PXDN: variants seen among roughly 807,000 people sequenced by gnomAD.
PXDN encodes the protein peroxidasin homolog.
A neutral mutation model predicts 140.3 loss-of-function variants in PXDN; 77 were observed. That is an observed-to-expected ratio of 0.55 (90% confidence interval 0.46 to 0.66). The LOEUF (loss-of-function observed/expected upper bound fraction) is 0.66, where lower values mean the gene tolerates loss of function less well. Among genes scored for constraint, PXDN ranks in the 30% least tolerant of loss-of-function variants. The pLI is 0.00. For synonymous variants in PXDN, 911 were observed against 857.4 expected (o/e 1.06, Z -1.09); for missense variants, 1,838 against 2,039.5 (o/e 0.90, Z 1.90).
At position 1,712,558 on chromosome 2, in the gene PXDN, T is replaced by C. The variant is rs188402517; in HGVS notation, c.201-19424A>G. 2.0e-5 allele frequency among the ~76,000 whole-genome samples: 3 copies of C among 152,194 alleles called. No homozygotes were observed. In the South Asian group the frequency reaches 6.2e-4, roughly 32 times the overall value. On this transcript the variant is annotated intron_variant, in intron 1 of 22. Transcript: ENST00000252804. ...GGCAGAAAGGGGAGAAGAGTGGAAA[T>C]CTAAATTTGCTAAATTCCTCTTCTT...
At chr2:1,732,328 C>T (rs1024058418) in intron 1 of PXDN, among the ~76,000 whole-genome samples, 5 of 152,148 alleles carry the variant, frequency 3.3e-5, no homozygotes, top group East Asian at 1.9e-4. Context: ...GCCTGCAGAG[C>T]GTCCAGCACT....
rs572016223 is a variant in PXDN, at chr2:1,714,817, A to C, written c.201-21683T>G. On this transcript the variant is annotated intron_variant, in intron 1 of 22. Coordinates refer to ENST00000252804, the MANE Select transcript of PXDN (RefSeq NM_012293.3). The surrounding 1 kb of genome is among the most constrained non-coding windows in gnomAD (Gnocchi z 4.3). ...GGGCCGGACAAACCAGGCCTGGGTC[A>C]GATGGGGCCCCTGGCCAAGGGCACA... is the stretch of plus-strand genomic sequence containing the variant. 3.3e-5 allele frequency among the ~76,000 whole-genome samples: 5 copies of C among 152,322 alleles called. No individual in the cohort carries two copies. The highest frequency in any genetic ancestry group is 1.2e-4 in the African/African-American group (5 of 41,582).
intron 1 of PXDN, among the ~76,000 whole-genome samples, chr2:1,699,492 T>G (rs559525300): frequency 3.9e-5 from 6 of 152,316 alleles, no homozygotes; most frequent in African/African-American, 1.2e-4. Flanking sequence ...GCGGATCACC[T>G]GAGGTCAGGA....
chr2:1,662,975 T>C (rs1328339565), intron 12 of PXDN, among the ~76,000 whole-genome samples: 1 of 152,164 alleles, frequency 6.6e-6, no homozygotes, highest in Non-Finnish European at 1.5e-5. Context: ...ATGCTAACAC[T>C]GGAGTTAGCA....
chr2:1,695,382 C>T (rs1336624195), intron 1 of PXDN, among the ~76,000 whole-genome samples: 1 of 136,100 alleles, frequency 7.3e-6, no homozygotes, highest in Non-Finnish European at 1.6e-5. Context: ...TGAGAGGTGG[C>T]CTAGAGTGAT....
intron 8 of PXDN, among the ~76,000 whole-genome samples, chr2:1,675,726 G>A (rs552172970): frequency 6.7e-6 from 1 of 149,164 alleles, no homozygotes; most frequent in Admixed American, 6.6e-5. Flanking sequence ...TTGCCCGAGA[G>A]CCAAGCCCAG....
intron 1 of PXDN, among the ~76,000 whole-genome samples, chr2:1,717,419 G>A (rs190970749): frequency 5.3e-5 from 8 of 152,152 alleles, no homozygotes; most frequent in African/African-American, 1.9e-4. Flanking sequence ...TTTCCTGACT[G>A]GTAACCACAC....
chr2:1,722,345 A>G (rs901532006), intron 1 of PXDN, among the ~76,000 whole-genome samples: 8 of 152,170 alleles, frequency 5.3e-5, no homozygotes, highest in Admixed American at 1.3e-4. Context: ...CTGAGTCCTC[A>G]GAGTCCTGGT....
intron 1 of PXDN, among the ~76,000 whole-genome samples, chr2:1,701,608 G>A (rs951485863): frequency 2.6e-5 from 4 of 152,156 alleles, no homozygotes; most frequent in Non-Finnish European, 4.4e-5. Flanking sequence ...TGGGAGGTGC[G>A]GAATGGGGTG....
In PXDN at chr2:1,685,350, C is replaced by T. The variant is rs1022725112; in HGVS notation, c.417-1199G>A. On this transcript the variant is annotated intron_variant, in intron 4 of 22. Transcript: ENST00000252804. The surrounding 1 kb of genome is among the most constrained non-coding windows in gnomAD (Gnocchi z 5.1). ...AACCGCCGTGGGCGAGCATGACGGG[C>T]GGGCACCTGACGCGCGGGTCCCGAG... Among the ~76,000 whole-genome samples, 5 of 152,208 alleles carry T rather than the reference C, an allele frequency of 3.3e-5. No homozygotes were observed. Among genetic ancestry groups the T allele is most frequent in the African/African-American group, 7.2e-5 (3 of 41,460 alleles).
chr2:1,666,071 G>C lies in PXDN; in HGVS notation c.1291+143C>G, dbSNP rs113039285. 1.2e-3 allele frequency: 1,356 copies of C among 1,162,372 alleles called. 15 individuals are homozygous for C. In the African/African-American group the frequency reaches 0.013, roughly 11 times the overall value. 72.0% of individuals were successfully genotyped at this position (1,162,372 alleles called of 1,614,324 possible). Reference sequence around the variant, plus strand: ...GCAGTCGTCTGTATTTAGTCCAAGGGGGGTGTAATGGATAAAAATCAACCG... The same window carrying C: ...GCAGTCGTCTGTATTTAGTCCAAGGCGGGTGTAATGGATAAAAATCAACCG... On this transcript the variant is annotated intron_variant, in intron 10 of 22. Transcript: ENST00000252804.
At chr2:1,706,036 T>C (rs1020162168) in intron 1 of PXDN, among the ~76,000 whole-genome samples, 2 of 152,114 alleles carry the variant, frequency 1.3e-5, no homozygotes, top group African/African-American at 2.4e-5. Flanking sequence ...ATCCAGCTTC[T>C]TCAGGGTCTC....
chr2:1,634,075 C>A lies in PXDN; in HGVS notation c.*129G>T. The stretch of plus-strand genomic sequence containing the variant: ...CCTGCACTGCCTTCTGTAACAGCAC[C>A]AGCTGGACGTTGTCATGAAATGTCA... On this transcript the variant is annotated 3_prime_UTR_variant, in exon 23 of 23. Transcript: ENST00000252804. 7.2e-7 allele frequency: 1 copy of A among 1,392,972 alleles called. No homozygotes were observed. The highest frequency in any genetic ancestry group is 9.7e-7 in the Non-Finnish European group (1 of 1,034,454). 86.3% of individuals were successfully genotyped at this position (1,392,972 alleles called of 1,614,324 possible). A position where few individuals can be genotyped will look rare whatever the true frequency, so the allele number is the denominator to read the frequency against.
At chr2:1,735,173 C>T (rs1044310858) in intron 1 of PXDN, among the ~76,000 whole-genome samples, 2 of 152,198 alleles carry the variant, frequency 1.3e-5, no homozygotes, top group Admixed American at 1.3e-4. Context: ...TCTGCTGTGA[C>T]TTTCTCCACG....
At chr2:1,720,758 A>T (rs2125480555) in intron 1 of PXDN, among the ~76,000 whole-genome samples, 1 of 150,982 alleles carries the variant, frequency 6.6e-6, no homozygotes, top group Non-Finnish European at 1.5e-5. Flanking sequence ...ACACACGTAC[A>T]CATATCCTGT....
At chr2:1,671,974 T>C (rs1222039706) in intron 9 of PXDN, 1 of 152,248 alleles carries the variant, frequency 6.6e-6, no homozygotes, top group Non-Finnish European at 1.5e-5. Flanking sequence ...GGTCATAAGA[T>C]ATTGTTCTTC....
chr2:1,710,793 A>T (rs371538796), intron 1 of PXDN, among the ~76,000 whole-genome samples: 33 of 18,504 alleles, frequency 1.8e-3, no homozygotes, highest in Non-Finnish European at 2.0e-3. Context: ...ACCAGCACCC[A>T]CTCCACCAGC....
In PXDN at chr2:1,680,302, C is replaced by A. The variant is rs201411621; in HGVS notation, c.621G>T (p.Leu207=). Residue 207 remains leucine (L), a synonymous_variant, in exon 7 of 23, where the codon CTG becomes CTT. Coordinates refer to ENST00000252804, the MANE Select transcript of PXDN (RefSeq NM_012293.3). ...DCEILWLADL[L]KTYAESGNAQ... ...CGTTCCCCGACTCCGCGTAGGTTTT[C>A]AGCAAATCCGCCAACCACAGGATTT... 113 of 1,614,048 alleles carry A rather than the reference C, an allele frequency of 7.0e-5. No individual in the cohort carries two copies. The highest frequency in any genetic ancestry group is 1.2e-4 in the Admixed American group (7 of 60,028).
At chr2:1,719,037 C>T (rs189147340) in intron 1 of PXDN, among the ~76,000 whole-genome samples, 31 of 152,254 alleles carry the variant, frequency 2.0e-4, no homozygotes, top group Admixed American at 8.5e-4. Context: ...AGGCAAACAC[C>T]GGGCACAGCA....
Sources: allele counts gnomAD v4.1 joint callset (sites outside exome capture counted in the v4.1 genomes callset), GRCh38; gene constraint gnomAD v4.1.1; non-coding constraint Gnocchi (gnomAD v3.1); transcripts MANE v1.5; gene names NCBI Gene and HGNC (gene_info 2026-07-23, HGNC 2026-07-21).